The following TSPO variants were observed in gnomAD, a reference collection of about 807,000 sequenced individuals.
The protein encoded by TSPO is benzodiazepine peripheral binding site.
TSPO carries 14 observed loss-of-function variants against 13.9 expected under a neutral mutation model. That is an observed-to-expected ratio of 1.01 (90% confidence interval 0.67 to 1.58). The LOEUF is 1.58. Among genes scored for constraint, TSPO ranks in the 40% most tolerant of loss-of-function variants. TSPO has a pLI of 0.00. For synonymous variants in TSPO, 114 were observed against 105.9 expected (o/e 1.08, Z -0.47); for missense variants, 232 against 229.6 (o/e 1.01, Z -0.07).
intron 1 of TSPO, among the ~76,000 whole-genome samples, chr22:43,152,664 G>C (rs1441116611): frequency 2.6e-5 from 4 of 152,252 alleles, no homozygotes; most frequent in Non-Finnish European, 5.9e-5. Flanking sequence ...TCTCCACCTG[G>C]CTGCTGGCAG....
In TSPO at chr22:43,162,787, C is replaced by T. The variant is rs775950233; in HGVS notation, c.322-16C>T. On this transcript the variant is annotated splice_polypyrimidine_tract_variant and intron_variant, in intron 3 of 3. Transcript: ENST00000337554. ...TGCCTCAGGCCTCCCCATCCTCCGT[C>T]CCCCAATCTCTGCAGGCCTTGGTGG... is the stretch of plus-strand genomic sequence containing the variant. 3.9e-6 allele frequency: 6 copies of T among 1,544,994 alleles called. No homozygotes were observed. The highest frequency in any genetic ancestry group is 3.5e-6 in the Non-Finnish European group (4 of 1,144,122).
intron 3 of TSPO, 83 bp downstream of exon 3, chr22:43,161,273 G>A (rs949031213): frequency 7.8e-6 from 12 of 1,533,160 alleles, no homozygotes; most frequent in Non-Finnish European, 9.7e-6. Flanking sequence ...CACTGGGTCA[G>A]TGTCTATAGG....
At chr22:43,156,840 G>C (rs1479633862) in intron 1 of TSPO, among the ~76,000 whole-genome samples, 1 of 152,210 alleles carries the variant, frequency 6.6e-6, no homozygotes, top group Admixed American at 6.5e-5. Context: ...CCTGGACAGG[G>C]ACACCTGTGA....
chr22:43,155,943 G>C (rs1293788238), intron 1 of TSPO, among the ~76,000 whole-genome samples: 2 of 152,192 alleles, frequency 1.3e-5, no homozygotes, highest in African/African-American at 2.4e-5. Flanking sequence ...ATCATGGTGG[G>C]TACCGCCCCT....
chr22:43,158,023 T>C (rs1023517610), intron 1 of TSPO, among the ~76,000 whole-genome samples: 2 of 152,146 alleles, frequency 1.3e-5, no homozygotes, highest in Non-Finnish European at 2.9e-5. Flanking sequence ...TGAGGTTGCT[T>C]CTGTGCTCAC....
chr22:43,160,761 A>G (rs1182426858), intron 2 of TSPO, among the ~76,000 whole-genome samples: 1 of 152,158 alleles, frequency 6.6e-6, no homozygotes, highest in East Asian at 1.9e-4. Flanking sequence ...CCTCCTCTCT[A>G]CCTATTCACA....
intron 2 of TSPO, chr22:43,159,677 C>T (rs1931371623): frequency 4.8e-6 from 2 of 417,868 alleles, no homozygotes; most frequent in Non-Finnish European, 8.5e-6. Flanking sequence ...CAGGCAGAGG[C>T]CGGCTTAGTG....
chr22:43,160,110 G>A (rs980498057), intron 2 of TSPO, among the ~76,000 whole-genome samples: 4 of 152,180 alleles, frequency 2.6e-5, no homozygotes, highest in Non-Finnish European at 5.9e-5. Context: ...GGCCAGGCCA[G>A]GTGCCCGGCT....
rs1244627437 is a variant in TSPO, at chr22:43,159,373, C to G, written c.135C>G (p.Pro45=). The G allele has an allele frequency of 4.5e-6, 7 of 1,543,918 alleles. No homozygotes were observed. The highest frequency in any genetic ancestry group is 6.1e-6 in the Non-Finnish European group (7 of 1,145,468). The part of the protein sequence containing the change: ...AGLQKPSWHP[P]HWVLGPVWGT... ...TGCAGAAGCCCTCGTGGCACCCGCC[C>G]CACTGGGTGCTGGGCCCTGTCTGGG... The change falls in exon 2 of 4, where the codon CCC becomes CCG. Residue 45 remains proline, a synonymous_variant. Transcript: ENST00000337554.
intron 1 of TSPO, among the ~76,000 whole-genome samples, chr22:43,155,933 A>G (rs950344603): frequency 6.6e-6 from 1 of 152,172 alleles, no homozygotes; most frequent in African/African-American, 2.4e-5. Flanking sequence ...AGCATGACTC[A>G]TCATGGTGGG....
rs145067338 is a variant in TSPO, at chr22:43,158,128, C to G, written c.-29-1082C>G. Among the ~76,000 whole-genome samples, 546 of 152,342 alleles carry G rather than the reference C, an allele frequency of 3.6e-3. 4 individuals are homozygous for G. The highest frequency in any genetic ancestry group is 0.013 in the African/African-American group (525 of 41,588). Reference sequence around the variant, plus strand: ...CCCCTGCCAAAGCCCAAGTTCAGCACAGTCTCTGCTGACACCCCTCTACCC... The same window carrying G: ...CCCCTGCCAAAGCCCAAGTTCAGCAGAGTCTCTGCTGACACCCCTCTACCC... On this transcript the variant is annotated intron_variant, in intron 1 of 3. Transcript: ENST00000337554.
chr22:43,156,693 T>G (rs1220690438), intron 1 of TSPO, among the ~76,000 whole-genome samples: 1 of 152,212 alleles, frequency 6.6e-6, no homozygotes, highest in Non-Finnish European at 1.5e-5. Context: ...AATTTTAGGC[T>G]GGGCACGGTG....
At chr22:43,159,867 CA>C (rs1931378947) in intron 2 of TSPO, among the ~76,000 whole-genome samples, 1 of 152,164 alleles carries the variant, frequency 6.6e-6, no homozygotes, top group South Asian at 2.1e-4. Context: ...GGACCCCCCA[CA>C]GCCCCTTCAG....
chr22:43,157,734 G>T (rs1236414932), intron 1 of TSPO, among the ~76,000 whole-genome samples: 1 of 152,212 alleles, frequency 6.6e-6, no homozygotes, highest in African/African-American at 2.4e-5. Context: ...GGAGGCAGGA[G>T]GCTGAGACGG....
rs1300392700 is a variant in TSPO, at chr22:43,157,823, C to T, written c.-29-1387C>T. Among the ~76,000 whole-genome samples, 6 of 152,324 alleles carry T rather than the reference C, an allele frequency of 3.9e-5. No individual in the cohort carries two copies. In the South Asian group the frequency reaches 1.0e-3, roughly 26 times the overall value. On this transcript the variant is annotated intron_variant, in intron 1 of 3. Coordinates refer to ENST00000337554, the MANE Select transcript of TSPO (RefSeq NM_000714.6). The stretch of plus-strand genomic sequence containing the variant: ...TTGTATTCCACCCTGGGCAACAGAG[C>T]AAGACTCTGTCTCAAAAAAAGCGCA...
chr22:43,158,886 C>G (rs1931338558), intron 1 of TSPO, among the ~76,000 whole-genome samples: 1 of 151,796 alleles, frequency 6.6e-6, no homozygotes, highest in Admixed American at 6.6e-5. Context: ...GCAGAGCTCC[C>G]AGGACGGGGA....
intron 2 of TSPO, 168 bp downstream of exon 2, chr22:43,159,588 G>T (rs1931368646): frequency 2.9e-6 from 2 of 678,082 alleles, no homozygotes; most frequent in Non-Finnish European, 4.4e-6. Flanking sequence ...TTGCACAACT[G>T]AACTTTCTCC....
In TSPO at chr22:43,159,529, C is replaced by T. The variant is rs9333333; in HGVS notation, c.182+109C>T. The T allele has an allele frequency of 2.9e-3, 3,409 of 1,183,666 alleles. 167 individuals carry two copies. The East Asian group carries it at 0.093, about 32-fold the overall frequency. The allele number at this position is 1,183,666 out of a possible 1,614,324, so 73.3% of individuals were successfully genotyped here. On this transcript the variant is annotated intron_variant, in intron 2 of 3. Coordinates refer to ENST00000337554, the MANE Select transcript of TSPO (RefSeq NM_000714.6). ...CGGGCCATGGACCATGGCATGGTTT[C>T]CCCAGCCCCATTTGGCAAGCCAGGG... is the stretch of plus-strand genomic sequence containing the variant.
chr22:43,154,206 G>C (rs1376691274), intron 1 of TSPO, among the ~76,000 whole-genome samples: 1 of 152,068 alleles, frequency 6.6e-6, no homozygotes, highest in Non-Finnish European at 1.5e-5. Context: ...TTTTTAAAAA[G>C]CCTGAAAACA....
Sources: allele counts gnomAD v4.1 joint callset (sites outside exome capture counted in the v4.1 genomes callset), GRCh38; gene constraint gnomAD v4.1.1; transcripts MANE v1.5; gene names NCBI Gene and HGNC (gene_info 2026-07-23, HGNC 2026-07-21).